Variants in MUSK observed in about 807,000 individuals in gnomAD.
The protein encoded by MUSK is muscle, skeletal receptor tyrosine-protein kinase.
A neutral mutation model predicts 88.7 loss-of-function variants in MUSK; 55 were observed. The observed-to-expected ratio is 0.62, with a 90% CI of 0.50 to 0.78. The LOEUF (loss-of-function observed/expected upper bound fraction) is 0.78, where lower values mean the gene tolerates loss of function less well. Ranked by LOEUF, MUSK falls within the 30% of genes least tolerant of loss-of-function variation. MUSK has a pLI of 0.00. For synonymous variants in MUSK, 387 were observed against 391.9 expected (o/e 0.99, Z 0.15); for missense variants, 1,015 against 1,074.3 (o/e 0.94, Z 0.77).
At position 110,800,377 on chromosome 9, in the gene MUSK, C is replaced by T. The variant is rs368783049; in HGVS notation, c.1999C>T (p.Leu667Phe). The T allele has an allele frequency of 1.4e-5, 23 of 1,613,714 alleles. No homozygotes were observed. Among genetic ancestry groups the T allele is most frequent in the Non-Finnish European group, 1.9e-5 (22 of 1,179,872 alleles). ...YMAYGDLNEF[L>F]RSMSPHTVCS... The stretch of plus-strand genomic sequence containing the variant: ...GGCCTATGGTGACCTCAATGAGTTC[C>T]TCCGCAGCATGTCCCCTCACACCGT... Residue 667 changes from leucine (L) to phenylalanine (F), a missense_variant, in exon 15 of 15, where the codon CTC (leucine) becomes TTC (phenylalanine). Leu to Phe is a conservative substitution (Grantham distance 22). Coordinates refer to ENST00000374448, the MANE Select transcript of MUSK (RefSeq NM_005592.4).
chr9:110,776,741 C>A, intron 11 of MUSK, 86 bp downstream of exon 11: 1 of 1,186,424 alleles, frequency 8.4e-7, no homozygotes, highest in Non-Finnish European at 1.2e-6. Context: ...TTTCCTGATG[C>A]CCAGAACAGA....
In MUSK at chr9:110,694,408, A is replaced by AC. The variant is rs1491170935; in HGVS notation, c.359-995_359-994insC. On this transcript the variant is annotated intron_variant, in intron 3 of 14. Coordinates refer to ENST00000374448, the MANE Select transcript of MUSK (RefSeq NM_005592.4). ...CTCAAAAAAAAAAAAAAAAAAAAAC[A>AC]AAAAAACAAAACCCAACAGGTCATG... Among the ~76,000 whole-genome samples the AC allele has an allele frequency of 1.7e-4, 17 of 98,208 alleles. 1 individual carries two copies. In the East Asian group the frequency reaches 4.6e-3, roughly 27 times the overall value. 64.4% of individuals were successfully genotyped at this position (98,208 alleles called of 152,430 possible).
intron 5 of MUSK, among the ~76,000 whole-genome samples, chr9:110,716,736 A>G (rs1248545824): frequency 6.7e-6 from 1 of 150,100 alleles, no homozygotes; most frequent in Non-Finnish European, 1.5e-5. Flanking sequence ...GTTTTGCCTT[A>G]GCAGCTTTTC....
intron 9 of MUSK, among the ~76,000 whole-genome samples, chr9:110,773,696 G>C (rs927602944): frequency 6.6e-5 from 10 of 152,150 alleles, no homozygotes; most frequent in African/African-American, 2.4e-4. Context: ...GGGTATTTAA[G>C]TCTGTGTTAA....
At chr9:110,797,136 A>AAT (rs1321034942) in intron 14 of MUSK, among the ~76,000 whole-genome samples, 4 of 69,352 alleles carry the variant, frequency 5.8e-5, no homozygotes, top group African/African-American at 2.5e-4. Flanking sequence ...AAAAAATAAA[A>AAT]AATAAAAAAT....
chr9:110,673,592 T>A (rs1201578742), intron 1 of MUSK, among the ~76,000 whole-genome samples: 1 of 152,176 alleles, frequency 6.6e-6, no homozygotes, highest in Non-Finnish European at 1.5e-5. Flanking sequence ...TCCATATTTC[T>A]CCATGTCTAT....
intron 5 of MUSK, among the ~76,000 whole-genome samples, chr9:110,718,632 A>C (rs1430611288): frequency 6.6e-6 from 1 of 152,122 alleles, no homozygotes; most frequent in African/African-American, 2.4e-5. Flanking sequence ...GAGAAAGAAG[A>C]TAAATCTAAA....
At chr9:110,769,332 T>C (rs2077532434) in intron 9 of MUSK, among the ~76,000 whole-genome samples, 1 of 152,180 alleles carries the variant, frequency 6.6e-6, no homozygotes, top group African/African-American at 2.4e-5. Context: ...CTGCAAAGTT[T>C]GAGGGTTTGG....
At chr9:110,689,399 G>GTAAAAAATATTAAAATATGTA (rs2076255030) in intron 3 of MUSK, among the ~76,000 whole-genome samples, 1 of 108,396 alleles carries the variant, frequency 9.2e-6, no homozygotes, top group South Asian at 2.8e-4. Flanking sequence ...AAAAATATGT[G>GTAAAAAATATTAAAATATGTA]AAAAATACAT....
intron 7 of MUSK, among the ~76,000 whole-genome samples, chr9:110,748,183 T>TCCTTCCCTCCCTCCCTCTTC (rs1218802020): frequency 6.8e-6 from 1 of 147,270 alleles, no homozygotes; most frequent in Non-Finnish European, 1.5e-5. Flanking sequence ...CATTCCTCCC[T>TCCTTCCCTCCCTCCCTCTTC]CCTTCCCTCC....
intron 3 of MUSK, among the ~76,000 whole-genome samples, chr9:110,689,237 A>T (rs1289422323): frequency 1.9e-5 from 1 of 53,872 alleles, no homozygotes; most frequent in Non-Finnish European, 3.1e-5. Flanking sequence ...ATAAATATAT[A>T]AATATATAAA....
chr9:110,732,074 C>A (rs2076971805), intron 5 of MUSK, among the ~76,000 whole-genome samples: 2 of 152,088 alleles, frequency 1.3e-5, no homozygotes, highest in African/African-American at 4.8e-5. Context: ...AGAAGGCTTT[C>A]ATTCAAAAGG....
chr9:110,766,059 C>T (rs1447690117), intron 8 of MUSK, among the ~76,000 whole-genome samples: 1 of 152,136 alleles, frequency 6.6e-6, no homozygotes, highest in Non-Finnish European at 1.5e-5. Context: ...GGTAGGATCC[C>T]TCTGGAATGA....
chr9:110,801,004 A>T lies in MUSK; in HGVS notation c.*16A>T. ...GAGTGTCTAAGGTTGAAGACGTTCA[A>T]ATAAAATGCTGCAGTTTCCTCTCAG... On this transcript the variant is annotated 3_prime_UTR_variant, in exon 15 of 15. Coordinates refer to ENST00000374448, the MANE Select transcript of MUSK (RefSeq NM_005592.4). 6.7e-7 allele frequency: 1 copy of T among 1,499,574 alleles called. No individual in the cohort carries two copies. The highest frequency in any genetic ancestry group is 1.4e-5 in the African/African-American group (1 of 71,616). 92.9% of individuals were successfully genotyped at this position (1,499,574 alleles called of 1,614,324 possible).
At chr9:110,682,924 T>C in intron 2 of MUSK, 124 bp downstream of exon 2, 5 of 588,560 alleles carry the variant, frequency 8.5e-6, no homozygotes, top group Non-Finnish European at 1.4e-5. Flanking sequence ...AATAAGTACC[T>C]CATGGAGAAT....
rs1032265459 is a variant in MUSK at position 110,804,229 on chromosome 9, T to G, written c.*3241T>G. Reference sequence around the variant, plus strand: ...TTTATCATTATAAAAAATGCTGTAATTAACATCCTTATTTGTTCATGTCCA... The same window carrying G: ...TTTATCATTATAAAAAATGCTGTAAGTAACATCCTTATTTGTTCATGTCCA... On this transcript the variant is annotated 3_prime_UTR_variant, in exon 15 of 15. Transcript: ENST00000374448. Among the ~76,000 whole-genome samples the G allele has an allele frequency of 2.0e-5, 3 of 152,292 alleles. No homozygotes were observed. Among genetic ancestry groups the G allele is most frequent in the African/African-American group, 7.2e-5 (3 of 41,566 alleles).
At chr9:110,681,109 T>TATATATA (rs2076125118) in intron 1 of MUSK, among the ~76,000 whole-genome samples, 1 of 54,326 alleles carries the variant, frequency 1.8e-5, no homozygotes, top group African/African-American at 9.2e-5. Context: ...TAATATATAT[T>TATATATA]ATATATAATA....
At chr9:110,729,957 T>C (rs913738945) in intron 5 of MUSK, among the ~76,000 whole-genome samples, 1 of 152,052 alleles carries the variant, frequency 6.6e-6, no homozygotes, top group Non-Finnish European at 1.5e-5. Flanking sequence ...CTTTTTACTA[T>C]ACCTTACTCC....
At position 110,804,599 on chromosome 9, in the gene MUSK, T is replaced by C. The variant is rs1000557221; in HGVS notation, c.*3611T>C. Among the ~76,000 whole-genome samples the C allele has an allele frequency of 1.1e-4, 16 of 152,070 alleles. No homozygotes were observed. Among genetic ancestry groups the C allele is most frequent in the Admixed American group, 7.9e-4 (12 of 15,270 alleles). ...CTGTGTTCATTTTCTAATCGAATTATGGGATTTATCTTGTAAAAAGCCTAT... is the reference window on the plus strand; with the variant it reads ...CTGTGTTCATTTTCTAATCGAATTACGGGATTTATCTTGTAAAAAGCCTAT... On this transcript the variant is annotated 3_prime_UTR_variant, in exon 15 of 15. Coordinates refer to ENST00000374448, the MANE Select transcript of MUSK (RefSeq NM_005592.4).
Sources: gnomAD v4.1 joint callset for allele counts (sites outside exome capture counted in the v4.1 genomes callset) on GRCh38, gnomAD v4.1.1 for gene constraint, MANE v1.5 for transcripts, NCBI Gene and HGNC (gene_info 2026-07-23, HGNC 2026-07-21) for gene names.